Variants in CLSTN2 observed in about 807,000 individuals in gnomAD.
The protein encoded by CLSTN2 is calsyntenin-2.
A neutral mutation model predicts 101.2 loss-of-function variants in CLSTN2; 48 were observed. That is an observed-to-expected ratio of 0.47 (90% CI 0.38 to 0.60). The LOEUF (loss-of-function observed/expected upper bound fraction) is 0.60. Ranked by LOEUF, CLSTN2 falls within the 20% of genes least tolerant of loss-of-function variation. The pLI, the probability that CLSTN2 is intolerant of heterozygous loss-of-function variation, is 0.00. For synonymous variants in CLSTN2, 481 were observed against 463.6 expected, an observed-to-expected ratio of 1.04 and a Z score of -0.48; for missense variants, 1,160 against 1,238.2, an observed-to-expected ratio of 0.94 and a Z score of 0.95.
chr3:140,445,012 C>T (rs1933041899), intron 5 of CLSTN2, among the ~76,000 whole-genome samples: 1 of 152,218 alleles, frequency 6.6e-6, no homozygotes, highest in South Asian at 2.1e-4. Context: ...CTCTCAAGTA[C>T]ACTGTGCTCA....
Position 140,255,262 on chromosome 3 carries a change from A to C in CLSTN2, c.232+79189A>C, listed in dbSNP as rs568599040. ...TTTGGAGATTTCTCAATGAACTTAAAAGAGAACTAACATTTGACCCAGCAA... is the reference window on the plus strand; with the variant it reads ...TTTGGAGATTTCTCAATGAACTTAACAGAGAACTAACATTTGACCCAGCAA... On this transcript the variant is annotated intron_variant, in intron 2 of 16. Coordinates refer to ENST00000458420, the MANE Select transcript of CLSTN2 (RefSeq NM_022131.3). 2.0e-5 allele frequency among the ~76,000 whole-genome samples: 3 copies of C among 152,326 alleles called. No homozygotes were observed. The East Asian group carries it at 5.8e-4, about 29-fold the overall frequency.
intron 10 of CLSTN2, among the ~76,000 whole-genome samples, chr3:140,549,979 C>G (rs372371535): frequency 6.7e-6 from 1 of 150,274 alleles, no homozygotes; most frequent in Non-Finnish European, 1.5e-5. Context: ...ATACAAGATA[C>G]TGTGGAATCA....
At chr3:140,529,197 C>A (rs1170383177) in intron 8 of CLSTN2, among the ~76,000 whole-genome samples, 1 of 152,214 alleles carries the variant, frequency 6.6e-6, no homozygotes, top group East Asian at 1.9e-4. Context: ...CTAACTCAGA[C>A]CTCCTTTGGC....
intron 1 of CLSTN2, among the ~76,000 whole-genome samples, chr3:139,948,452 G>A (rs981277808): frequency 6.6e-6 from 1 of 151,060 alleles, no homozygotes; most frequent in Non-Finnish European, 1.5e-5. Flanking sequence ...GTGACAGAGC[G>A]ACTCCATCTC....
chr3:140,073,703 G>A (rs577756332), intron 1 of CLSTN2, among the ~76,000 whole-genome samples: 1 of 152,338 alleles, frequency 6.6e-6, no homozygotes, highest in East Asian at 1.9e-4. Context: ...TTAAATAGAT[G>A]TTGGCAGAGA....
intron 1 of CLSTN2, among the ~76,000 whole-genome samples, chr3:140,027,918 G>A (rs540766505): frequency 4.7e-4 from 72 of 152,274 alleles, no homozygotes; most frequent in African/African-American, 1.4e-3. Context: ...CCACTGACTC[G>A]CTTGGTAACA....
chr3:140,442,956 A>C (rs187818378), intron 5 of CLSTN2, among the ~76,000 whole-genome samples: 73 of 152,338 alleles, frequency 4.8e-4, no homozygotes, highest in Admixed American at 5.2e-4. Context: ...GTAGGAGGGG[A>C]AGACCCTTGG....
intron 2 of CLSTN2, among the ~76,000 whole-genome samples, chr3:140,345,221 A>G (rs1189399853): frequency 6.6e-6 from 1 of 150,870 alleles, no homozygotes; most frequent in East Asian, 1.9e-4. Flanking sequence ...GATCCAAGAC[A>G]GGGTGGCATT....
chr3:140,347,621 T>C (rs2087562104), intron 2 of CLSTN2, among the ~76,000 whole-genome samples: 1 of 152,188 alleles, frequency 6.6e-6, no homozygotes, highest in Admixed American at 6.5e-5. Flanking sequence ...TCCTAGCAAA[T>C]ATACTTTCAC....
chr3:140,071,307 CA>C (rs2008388222), intron 1 of CLSTN2, among the ~76,000 whole-genome samples: 1 of 151,342 alleles, frequency 6.6e-6, no homozygotes, highest in Non-Finnish European at 1.5e-5. Flanking sequence ...AGTAAAATCA[CA>C]AAAAGGTTAC....
chr3:140,030,165 T>G (rs1251282726), intron 1 of CLSTN2, among the ~76,000 whole-genome samples: 3 of 152,080 alleles, frequency 2.0e-5, no homozygotes, highest in African/African-American at 7.2e-5. Flanking sequence ...CTGTTTCCTG[T>G]CTGGAGGGCT....
chr3:140,056,585 T>C (rs2008100683), intron 1 of CLSTN2, among the ~76,000 whole-genome samples: 1 of 152,058 alleles, frequency 6.6e-6, no homozygotes, highest in Non-Finnish European at 1.5e-5. Context: ...AACTGAAGGA[T>C]AGGGAGCAGC....
intron 1 of CLSTN2, among the ~76,000 whole-genome samples, chr3:140,032,026 G>T (rs919620843): frequency 1.3e-5 from 2 of 152,138 alleles, no homozygotes; most frequent in African/African-American, 4.8e-5. Flanking sequence ...GTTACATGGT[G>T]CTCTATACCC....
chr3:140,168,891 G>A (rs1386863799), intron 1 of CLSTN2, among the ~76,000 whole-genome samples: 1 of 151,838 alleles, frequency 6.6e-6, no homozygotes, highest in Non-Finnish European at 1.5e-5. Flanking sequence ...TCTTGATTAG[G>A]GTAGGTTTGC....
At chr3:140,116,416 G>A (rs2009243083) in intron 1 of CLSTN2, among the ~76,000 whole-genome samples, 1 of 152,188 alleles carries the variant, frequency 6.6e-6, no homozygotes, top group South Asian at 2.1e-4. Flanking sequence ...GCCAGAATAA[G>A]TGCAGCCAGG....
In CLSTN2 at chr3:140,284,273, G is replaced by A. The variant is rs535195693; in HGVS notation, c.232+108200G>A. Among the ~76,000 whole-genome samples the A allele has an allele frequency of 2.6e-5, 4 of 151,998 alleles. No individual in the cohort carries two copies. In the East Asian group the frequency reaches 7.7e-4, roughly 29 times the overall value. The stretch of plus-strand genomic sequence containing the variant: ...TTTAAAAAATACAAGAACAAATTGG[G>A]TTTCTAATTTATTTCTGGACTAAAA... On this transcript the variant is annotated intron_variant, in intron 2 of 16. Transcript: ENST00000458420.
intron 2 of CLSTN2, among the ~76,000 whole-genome samples, chr3:140,387,233 C>T (rs898727866): frequency 4.0e-4 from 61 of 152,208 alleles, no homozygotes; most frequent in African/African-American, 1.5e-3. Flanking sequence ...TCCACTGAGA[C>T]CTTGGCTTGA....
At chr3:140,105,789 C>T (rs1363902897) in intron 1 of CLSTN2, among the ~76,000 whole-genome samples, 2 of 152,168 alleles carry the variant, frequency 1.3e-5, no homozygotes, top group Non-Finnish European at 2.9e-5. Flanking sequence ...GCCTCAGGGA[C>T]CTGTTTTCCT....
chr3:140,512,003 G>T (rs796343491), intron 8 of CLSTN2, among the ~76,000 whole-genome samples: 2 of 150,646 alleles, frequency 1.3e-5, no homozygotes, highest in Admixed American at 1.3e-4. Flanking sequence ...TTTCTTGTAC[G>T]TTTGCTTAAG....
Sources: gnomAD v4.1 joint callset for allele counts (sites outside exome capture counted in the v4.1 genomes callset) on GRCh38, gnomAD v4.1.1 for gene constraint, MANE v1.5 for transcripts, NCBI Gene and HGNC (gene_info 2026-07-23, HGNC 2026-07-21) for gene names.